Variants in NFKB1 observed in about 807,000 individuals in gnomAD.
NFKB1 encodes the protein nuclear factor NF-kappa-B p105 subunit.
Under a neutral mutation model 105.1 loss-of-function variants are expected in NFKB1, and 9 were observed. The observed-to-expected ratio is 0.09, with a 90% confidence interval of 0.05 to 0.15. The LOEUF (loss-of-function observed/expected upper bound fraction) is 0.15, where lower values mean the gene tolerates loss of function less well. NFKB1 is among the 10% of genes least tolerant of loss of function. NFKB1 has a pLI of 1.00. For missense variants in NFKB1, 830 were observed against 1,203.7 expected (o/e 0.69, Z 4.59); for synonymous variants, 440 against 442.2 (o/e 1.00, Z 0.06).
rs752706229 is a variant in NFKB1 at position 102,600,955 on chromosome 4, C to T, written c.1698C>T (p.Val566=). The change falls in exon 16 of 24, where the codon GTC becomes GTT. Residue 566 remains valine, a synonymous_variant. Coordinates refer to ENST00000226574, the MANE Select transcript of NFKB1 (RefSeq NM_003998.4). Reference sequence around the variant, plus strand: ...AACTTGTGAGGGATCTACTAGAAGTCACATCTGGTTTGATTTCTGATGACA... The same window carrying T: ...AACTTGTGAGGGATCTACTAGAAGTTACATCTGGTTTGATTTCTGATGACA... ...HSQLVRDLLE[V]TSGLISDDII... The T allele has an allele frequency of 2.9e-5, 46 of 1,612,852 alleles. 1 individual carries two copies. In the South Asian group the frequency reaches 4.9e-4, roughly 17 times the overall value.
intron 23 of NFKB1, among the ~76,000 whole-genome samples, chr4:102,615,574 T>C (rs1053547083): frequency 6.6e-6 from 1 of 152,196 alleles, no homozygotes; most frequent in Non-Finnish European, 1.5e-5. Flanking sequence ...TGCACAGATA[T>C]TAAAAAAGAA....
intron 1 of NFKB1, among the ~76,000 whole-genome samples, chr4:102,513,655 G>T (rs1739923724): frequency 6.6e-6 from 1 of 152,068 alleles, no homozygotes; most frequent in Non-Finnish European, 1.5e-5. Flanking sequence ...ACAGTCTATT[G>T]ATTCTAAGAG....
At chr4:102,587,018 C>G (rs957896442) in intron 11 of NFKB1, among the ~76,000 whole-genome samples, 2 of 152,210 alleles carry the variant, frequency 1.3e-5, no homozygotes, top group African/African-American at 4.8e-5. Flanking sequence ...GTAGTGCACT[C>G]TATATCCTGG....
At chr4:102,516,578 CT>C (rs74462352) in intron 1 of NFKB1, among the ~76,000 whole-genome samples, 1 of 151,378 alleles carries the variant, frequency 6.6e-6, no homozygotes, top group Non-Finnish European at 1.5e-5. Flanking sequence ...AATTTCCATT[CT>C]TTTTTTTAAA....
Position 102,613,508 on chromosome 4 carries a change from C to T in NFKB1, c.2676C>T (p.Ala892=). The T allele has an allele frequency of 6.2e-7, 1 of 1,613,976 alleles. No homozygotes were observed. Among genetic ancestry groups the T allele is most frequent in the Non-Finnish European group, 8.5e-7 (1 of 1,180,012 alleles). Residue 892 remains alanine, a synonymous_variant, in exon 23 of 24, where the codon GCC becomes GCT. Coordinates refer to ENST00000226574, the MANE Select transcript of NFKB1 (RefSeq NM_003998.4). The stretch of plus-strand genomic sequence containing the variant: ...AAGCAATTGAAGTGATCCAGGCAGC[C>T]TCCAGCCCAGTGAAGACCACCTCTC... ...YTEAIEVIQA[A]SSPVKTTSQA...
chr4:102,593,555 A>G lies in NFKB1; in HGVS notation c.1197A>G (p.Gly399=), dbSNP rs1485406032. Residue 399 remains glycine (G), a synonymous_variant, in exon 12 of 24, where the codon GGA becomes GGG. Coordinates refer to ENST00000226574, the MANE Select transcript of NFKB1 (RefSeq NM_003998.4). ...FGSGGGGGGT[G]STGPGYSFPH... ...GTGGCGGTGGAGGAGGGGGCACTGGAAGTACAGGTCCAGGTACAAAAATAC... is the reference window on the plus strand; with the variant it reads ...GTGGCGGTGGAGGAGGGGGCACTGGGAGTACAGGTCCAGGTACAAAAATAC... The G allele has an allele frequency of 6.2e-7, 1 of 1,613,474 alleles. No individual in the cohort carries two copies. Among genetic ancestry groups the G allele is most frequent in the Non-Finnish European group, 8.5e-7 (1 of 1,179,554 alleles).
At position 102,597,631 on chromosome 4, in the gene NFKB1, T is replaced by C; in HGVS notation, c.1607T>C (p.Leu536Pro). 1.2e-6 allele frequency: 2 copies of C among 1,613,688 alleles called. No individual in the cohort carries two copies. The highest frequency in any genetic ancestry group is 1.7e-6 in the Non-Finnish European group (2 of 1,179,790). The change falls in exon 15 of 24, where the codon CTC becomes CCC. Residue 536 changes from leucine (L) to proline (P), a missense_variant. By Grantham distance (98) the Leu-to-Pro change is moderately conservative. Coordinates refer to ENST00000226574, the MANE Select transcript of NFKB1 (RefSeq NM_003998.4). ...VKMLLAVQRH[L>P]TAVQDENGDS... The stretch of plus-strand genomic sequence containing the variant: ...ATGCTGCTGGCCGTCCAGCGCCATC[T>C]CACTGCTGTGCAGGATGAGAATGGG...
intron 5 of NFKB1, among the ~76,000 whole-genome samples, chr4:102,542,602 G>A (rs899844927): frequency 2.0e-5 from 3 of 151,986 alleles, no homozygotes; most frequent in Admixed American, 6.6e-5. Context: ...TAGGTAAGCT[G>A]CTACTCTGAA....
intron 1 of NFKB1, among the ~76,000 whole-genome samples, chr4:102,512,976 G>T (rs1004270201): frequency 6.6e-6 from 1 of 152,184 alleles, no homozygotes; most frequent in African/African-American, 2.4e-5. Context: ...TTGAACAAAA[G>T]AATACTAATC....
intron 3 of NFKB1, among the ~76,000 whole-genome samples, chr4:102,530,134 C>G (rs543015552): frequency 2.0e-5 from 3 of 152,294 alleles, no homozygotes; most frequent in Admixed American, 2.0e-4. Context: ...TTCATATCTG[C>G]TAGGACTACT....
chr4:102,573,028 G>A (rs1724514133), intron 6 of NFKB1, among the ~76,000 whole-genome samples: 1 of 152,102 alleles, frequency 6.6e-6, no homozygotes, highest in South Asian at 2.1e-4. Context: ...AGGTAGACAG[G>A]CCGGGCGCAG....
At chr4:102,517,417 A>G (rs1023111684) in intron 1 of NFKB1, among the ~76,000 whole-genome samples, 12 of 152,216 alleles carry the variant, frequency 7.9e-5, no homozygotes, top group Admixed American at 7.9e-4. Flanking sequence ...TGACATTCTG[A>G]CAAACTTGAA....
intron 18 of NFKB1, 151 bp from the exon 19 acceptor site, chr4:102,607,498 T>A: frequency 9.2e-7 from 1 of 1,087,948 alleles, no homozygotes; most frequent in Non-Finnish European, 1.4e-6. Flanking sequence ...TTGCTTGGCA[T>A]CTCTAACTGG....
rs1560711026 is a variant in NFKB1 at position 102,600,983 on chromosome 4, A to G, written c.1726A>G (p.Ile576Val). 2.5e-6 allele frequency: 4 copies of G among 1,605,680 alleles called. No homozygotes were observed. The highest frequency in any genetic ancestry group is 1.1e-5 in the South Asian group (1 of 90,812). ...ATCTGGTTTGATTTCTGATGACATT[A>G]TCAACATGAGAAATGATCTGTACCA... ...VTSGLISDDI[I>V]NMRNDLYQTP... is the part of the protein sequence containing the mutation. The change falls in exon 16 of 24, where the codon ATC becomes GTC. Residue 576 changes from isoleucine to valine, a missense_variant. Around this residue, in one of 8 missense-constraint regions of NFKB1, gnomAD observed 418 missense variants for 575.3 expected, o/e 0.73. Coordinates refer to ENST00000226574, the MANE Select transcript of NFKB1 (RefSeq NM_003998.4).
chr4:102,524,614 TA>T (rs918271320), intron 1 of NFKB1, among the ~76,000 whole-genome samples: 1 of 152,154 alleles, frequency 6.6e-6, no homozygotes, highest in African/African-American at 2.4e-5. Flanking sequence ...AATATGTAAT[TA>T]AATAATTATA....
At chr4:102,560,371 T>C (rs1239692066) in intron 5 of NFKB1, among the ~76,000 whole-genome samples, 3 of 152,214 alleles carry the variant, frequency 2.0e-5, no homozygotes, top group African/African-American at 7.2e-5. Flanking sequence ...AGCAAAGTTA[T>C]ACATAGAGAT....
chr4:102,512,676 T>C (rs573941503), intron 1 of NFKB1, among the ~76,000 whole-genome samples: 1 of 152,098 alleles, frequency 6.6e-6, no homozygotes, highest in Admixed American at 6.5e-5. Context: ...TCTGTATGAG[T>C]GGTCAGTGTA....
chr4:102,549,757 C>T (rs1360629475), intron 5 of NFKB1, among the ~76,000 whole-genome samples: 1 of 152,100 alleles, frequency 6.6e-6, no homozygotes, highest in Non-Finnish European at 1.5e-5. Flanking sequence ...TCCATCCTTC[C>T]AGTTGTACAG....
chr4:102,537,270 T>C (rs946939302), intron 4 of NFKB1, among the ~76,000 whole-genome samples: 1 of 152,168 alleles, frequency 6.6e-6, no homozygotes, highest in African/African-American at 2.4e-5. Flanking sequence ...AATCTTGAGC[T>C]TGACCATATT....
Sources: gnomAD v4.1 joint callset for allele counts (sites outside exome capture counted in the v4.1 genomes callset) on GRCh38, gnomAD v4.1.1 for gene constraint, gnomAD v4.1.1 regional missense constraint, MANE v1.5 for transcripts, NCBI Gene and HGNC (gene_info 2026-07-23, HGNC 2026-07-21) for gene names.